Variants in PTK2 observed in about 807,000 individuals in gnomAD.
PTK2 encodes the protein protein tyrosine kinase 2, also known as focal adhesion kinase 1.
A neutral mutation model predicts 150.1 loss-of-function variants in PTK2; 45 were observed. The ratio of observed to expected loss-of-function variants is 0.30; its 90% confidence interval spans 0.24 to 0.38. PTK2 has a LOEUF of 0.38. Among genes scored for constraint, PTK2 ranks in the 10% least tolerant of loss-of-function variants. The pLI, the probability that PTK2 is intolerant of heterozygous loss-of-function variation, is 1.00. For synonymous variants in PTK2, 432 were observed against 449.2 expected (o/e 0.96, Z 0.48); for missense variants, 919 against 1,307.3 (o/e 0.70, Z 4.58).
At chr8:140,686,521 T>C (rs2100019956) in intron 27 of PTK2, 111 bp downstream of exon 30, 10 of 869,664 alleles carry the variant, frequency 1.1e-5, no homozygotes, top group Admixed American at 6.8e-5. Flanking sequence ...TTATAGAATA[T>C]TCTGTTCCCT....
At chr8:140,788,443 G>A (rs760851325) in intron 14 of PTK2, among the ~76,000 whole-genome samples, 4 of 152,120 alleles carry the variant, frequency 2.6e-5, no homozygotes, top group African/African-American at 4.8e-5. Context: ...TGGCACTTTG[G>A]GAGGCCGAGG....
rs1376565383 is a variant in PTK2 at position 140,669,739 on chromosome 8, T to C, written c.2710-1315A>G. 5 of 1,533,792 alleles carry C rather than the reference T, an allele frequency of 3.3e-6. No homozygotes were observed. The highest frequency in any genetic ancestry group is 3.5e-6 in the Non-Finnish European group (4 of 1,145,160). On this transcript the variant is annotated intron_variant, in intron 29 of 31. Transcript: ENST00000522684. ...ACGATGTGCTTACCCTCCATGGCTA[T>C]TGTCGAACGGAAGGTGAGGAAAAGT...
At chr8:140,838,543 A>G (rs559254029) in intron 7 of PTK2, among the ~76,000 whole-genome samples, 8 of 152,262 alleles carry the variant, frequency 5.3e-5, no homozygotes, top group Non-Finnish European at 8.8e-5. Flanking sequence ...CTGTTAAGCT[A>G]TTATCGGGCC....
chr8:140,973,764 C>A (rs2100188258), intron 1 of PTK2, among the ~76,000 whole-genome samples: 1 of 152,180 alleles, frequency 6.6e-6, no homozygotes. Flanking sequence ...TTGCCATGAC[C>A]TAGGCAAAGT....
At chr8:140,797,854 C>G (rs916263082) in intron 12 of PTK2, among the ~76,000 whole-genome samples, 5 of 152,060 alleles carry the variant, frequency 3.3e-5, no homozygotes, top group African/African-American at 9.7e-5. Flanking sequence ...TAGATACAGT[C>G]TTGCTATGTG....
intron 14 of PTK2, among the ~76,000 whole-genome samples, chr8:140,773,646 G>A (rs1412073025): frequency 6.6e-6 from 1 of 152,154 alleles, no homozygotes; most frequent in Non-Finnish European, 1.5e-5. Context: ...AGAGTTGGGA[G>A]TGGGAAGGGG....
At chr8:140,820,391 G>C (rs1318081570) in intron 8 of PTK2, among the ~76,000 whole-genome samples, 1 of 151,836 alleles carries the variant, frequency 6.6e-6, no homozygotes. Flanking sequence ...ATGAGCCACC[G>C]CACCCGGCCT....
intron 16 of PTK2, among the ~76,000 whole-genome samples, chr8:140,759,641 G>A (rs182034533): frequency 6.6e-6 from 1 of 151,654 alleles, no homozygotes; most frequent in African/African-American, 2.4e-5. Context: ...AGGATCACCT[G>A]AGTCCAGAAG....
chr8:140,674,494 C>G (rs186402894), intron 28 of PTK2, 90 bp from the exon 32 acceptor site: 5 of 1,182,460 alleles, frequency 4.2e-6, no homozygotes, highest in East Asian at 5.2e-5. Flanking sequence ...AATCTCAGCA[C>G]TTTGGGAGGC....
At chr8:141,001,264 C>G (rs2100200167), upstream of PTK2, 1 of 147,448 alleles carries the variant, frequency 6.8e-6, no homozygotes, top group Non-Finnish European at 1.5e-5. Context: ...GCGGCGCGGG[C>G]TCGCGCCCTC....
Position 140,945,073 on chromosome 8 carries a change from T to C in PTK2, c.-121-19324A>G, listed in dbSNP as rs1320307508. Among the ~76,000 whole-genome samples the C allele has an allele frequency of 2.0e-5, 3 of 152,356 alleles. No individual in the cohort carries two copies. In the East Asian group the frequency reaches 5.8e-4, roughly 29 times the overall value. On this transcript the variant is annotated intron_variant, in intron 1 of 31. Transcript: ENST00000522684. ...CAGCTTCTTAAATTTCCTGTTGTCG[T>C]TCATCTTGTTCTTGCCTGAAAACTG... is the stretch of plus-strand genomic sequence containing the variant.
intron 1 of PTK2, among the ~76,000 whole-genome samples, chr8:140,934,143 A>T (rs1002157596): frequency 6.6e-6 from 1 of 152,240 alleles, no homozygotes; most frequent in African/African-American, 2.4e-5. Flanking sequence ...AAGAAATCAT[A>T]TATCTAATAA....
chr8:140,954,285 G>A lies in PTK2; in HGVS notation c.-121-28536C>T, dbSNP rs115405178. On this transcript the variant is annotated intron_variant, in intron 1 of 31. Coordinates refer to ENST00000522684, the Ensembl canonical transcript of PTK2. ...ATGAGCCACCGCACCCAGCCACTTGGTCTCAAACTCCTGAACTCAAGCAAT... is the reference window on the plus strand; with the variant it reads ...ATGAGCCACCGCACCCAGCCACTTGATCTCAAACTCCTGAACTCAAGCAAT... Among the ~76,000 whole-genome samples, 1,137 of 152,162 alleles carry A rather than the reference G, an allele frequency of 7.5e-3. 11 individuals are homozygous for A. Among genetic ancestry groups the A allele is most frequent in the African/African-American group, 0.024 (979 of 41,510 alleles).
chr8:140,757,463 A>G (rs1421488924), intron 16 of PTK2, among the ~76,000 whole-genome samples: 1 of 152,206 alleles, frequency 6.6e-6, no homozygotes, highest in Admixed American at 6.5e-5. Context: ...ACAAGAGTAA[A>G]GGCTTCCAAA....
At chr8:140,896,441 A>G (rs2100156240) in intron 2 of PTK2, among the ~76,000 whole-genome samples, 1 of 152,228 alleles carries the variant, frequency 6.6e-6, no homozygotes, top group African/African-American at 2.4e-5. Context: ...TATCATGACC[A>G]AAAGTTTATT....
intron 10 of PTK2, among the ~76,000 whole-genome samples, chr8:140,814,042 C>T (rs1003432511): frequency 6.6e-6 from 1 of 152,032 alleles, no homozygotes; most frequent in African/African-American, 2.4e-5. Flanking sequence ...GCACATAAAC[C>T]AGAAAATCTA....
At chr8:140,859,044 A>T (rs2100134532) in intron 5 of PTK2, among the ~76,000 whole-genome samples, 1 of 152,186 alleles carries the variant, frequency 6.6e-6, no homozygotes, top group Non-Finnish European at 1.5e-5. Context: ...TGAACAAATT[A>T]TTTTTTTAAA....
intron 10 of PTK2, among the ~76,000 whole-genome samples, chr8:140,808,662 G>C (rs1158069822): frequency 6.7e-6 from 1 of 150,116 alleles, no homozygotes; most frequent in Non-Finnish European, 1.5e-5. Context: ...AGGGCTACTT[G>C]AAACTTAAGT....
intron 16 of PTK2, among the ~76,000 whole-genome samples, chr8:140,752,813 A>T (rs1338618834): frequency 6.6e-6 from 1 of 152,258 alleles, no homozygotes; most frequent in Non-Finnish European, 1.5e-5. Flanking sequence ...AGAGCAAAAA[A>T]ACTAAAGGAG....
Sources: gnomAD v4.1 joint callset for allele counts (sites outside exome capture counted in the v4.1 genomes callset) on GRCh38, gnomAD v4.1.1 for gene constraint, MANE v1.5 for transcripts, NCBI Gene and HGNC (gene_info 2026-07-23, HGNC 2026-07-21) for gene names.